Variants in LRP1B observed in about 807,000 individuals in gnomAD.
LRP1B encodes LDL receptor related protein 1B, also known as low-density lipoprotein receptor-related protein 1B.
LRP1B carries 217 observed loss-of-function variants against 556.6 expected under a neutral mutation model. That is an observed-to-expected ratio of 0.39 (90% CI 0.35 to 0.44). The LOEUF is 0.44. Among genes scored for constraint, LRP1B ranks in the 20% least tolerant of loss-of-function variants. The pLI is 1.00. For missense variants in LRP1B, 5,053 were observed against 5,620.8 expected (o/e 0.90, Z 3.23); for synonymous variants, 2,047 against 1,865.8 (o/e 1.10, Z -2.50).
intron 23 of LRP1B, among the ~76,000 whole-genome samples, chr2:140,891,866 C>T (rs1018676492): frequency 1.3e-5 from 2 of 152,108 alleles, no homozygotes; most frequent in Non-Finnish European, 2.9e-5. Context: ...TTAGTAATCA[C>T]TTTCCCAAGT....
intron 32 of LRP1B, among the ~76,000 whole-genome samples, chr2:140,779,076 A>G (rs1311875930): frequency 7.4e-6 from 1 of 135,632 alleles, no homozygotes; most frequent in Non-Finnish European, 1.6e-5. Context: ...AGGGATCTCA[A>G]TAATTTTTAA....
intron 25 of LRP1B, among the ~76,000 whole-genome samples, chr2:140,868,995 C>T (rs1348642947): frequency 1.3e-5 from 2 of 152,036 alleles, no homozygotes; most frequent in Non-Finnish European, 2.9e-5. Flanking sequence ...AGTTCTGGGT[C>T]GAATCCATGA....
At chr2:141,088,772 G>A (rs1388326058) in intron 7 of LRP1B, among the ~76,000 whole-genome samples, 2 of 152,070 alleles carry the variant, frequency 1.3e-5, no homozygotes. Flanking sequence ...CAGCACTAGG[G>A]TGCTTCAAAT....
intron 6 of LRP1B, among the ~76,000 whole-genome samples, chr2:141,208,729 C>A (rs189369816): frequency 1.6e-3 from 249 of 151,430 alleles, no homozygotes; most frequent in African/African-American, 5.8e-3. Flanking sequence ...ATTAGCTGGG[C>A]GTAGTGGCAG....
At chr2:140,820,203 C>T (rs1308956451) in intron 31 of LRP1B, among the ~76,000 whole-genome samples, 1 of 152,144 alleles carries the variant, frequency 6.6e-6, no homozygotes, top group Non-Finnish European at 1.5e-5. Flanking sequence ...TAGTCTTGAA[C>T]TCCTGGCCTA....
chr2:141,625,362 T>TA (rs1208275794), intron 2 of LRP1B, among the ~76,000 whole-genome samples: 2 of 152,136 alleles, frequency 1.3e-5, no homozygotes, highest in African/African-American at 2.4e-5. Flanking sequence ...AATGGATTTT[T>TA]AAAAAAATGT....
chr2:140,298,069 G>C (rs1369315722), intron 83 of LRP1B, 100 bp from the exon 84 acceptor site: 1 of 1,079,984 alleles, frequency 9.3e-7, no homozygotes, highest in African/African-American at 1.6e-5. Context: ...CAGGTTTCTG[G>C]TCAAGGTCTG....
chr2:141,719,076 A>C (rs776847001), intron 2 of LRP1B, among the ~76,000 whole-genome samples: 2 of 152,102 alleles, frequency 1.3e-5, no homozygotes, highest in Non-Finnish European at 2.9e-5. Context: ...GATTTTCTTG[A>C]GTTTTTATGA....
intron 7 of LRP1B, among the ~76,000 whole-genome samples, chr2:141,142,315 C>A (rs1701672524): frequency 6.6e-6 from 1 of 152,184 alleles, no homozygotes; most frequent in South Asian, 2.1e-4. Flanking sequence ...AGTTCAATTT[C>A]TAACTTGTTT....
chr2:140,937,395 A>G (rs921347398), intron 20 of LRP1B, among the ~76,000 whole-genome samples: 2 of 152,164 alleles, frequency 1.3e-5, no homozygotes, highest in African/African-American at 4.8e-5. Context: ...ACTTAGAGTT[A>G]TAAAAAGCAT....
intron 7 of LRP1B, among the ~76,000 whole-genome samples, chr2:141,166,786 C>T (rs1194825993): frequency 6.6e-6 from 1 of 151,856 alleles, no homozygotes; most frequent in Non-Finnish European, 1.5e-5. Flanking sequence ...CTGGTTGCAA[C>T]AGAGTAAAGG....
intron 2 of LRP1B, among the ~76,000 whole-genome samples, chr2:141,762,708 TG>T (rs1694601261): frequency 1.3e-5 from 2 of 152,144 alleles, no homozygotes; most frequent in Non-Finnish European, 1.5e-5. Context: ...GCATATATGC[TG>T]GGGGTTGAGG....
At chr2:140,515,122 A>T (rs938738480) in intron 50 of LRP1B, among the ~76,000 whole-genome samples, 2 of 152,056 alleles carry the variant, frequency 1.3e-5, no homozygotes, top group Non-Finnish European at 2.9e-5. Flanking sequence ...TAGTCTAGTC[A>T]TACTTTTTAA....
At chr2:140,295,114 G>A (rs776573575) in intron 84 of LRP1B, among the ~76,000 whole-genome samples, 1 of 152,022 alleles carries the variant, frequency 6.6e-6, no homozygotes, top group East Asian at 1.9e-4. Context: ...TCCTGACCTC[G>A]TGATCCGCGG....
chr2:141,843,211 A>T (rs1697538097), intron 1 of LRP1B, among the ~76,000 whole-genome samples: 1 of 152,138 alleles, frequency 6.6e-6, no homozygotes, highest in South Asian at 2.1e-4. Flanking sequence ...AATATCATTG[A>T]TAGTAACCTT....
intron 1 of LRP1B, among the ~76,000 whole-genome samples, chr2:142,000,717 T>C (rs1702627216): frequency 6.6e-6 from 1 of 152,202 alleles, no homozygotes; most frequent in Admixed American, 6.6e-5. Flanking sequence ...ACACTCTATA[T>C]GTATTCATTT....
chr2:141,947,641 A>G (rs1489786264), intron 1 of LRP1B, among the ~76,000 whole-genome samples: 2 of 152,176 alleles, frequency 1.3e-5, no homozygotes, highest in African/African-American at 4.8e-5. Context: ...ACAAATGTAC[A>G]TACTTAATTC....
chr2:140,671,676 G>T (rs1409163414), intron 41 of LRP1B, among the ~76,000 whole-genome samples: 1 of 151,850 alleles, frequency 6.6e-6, no homozygotes, highest in Non-Finnish European at 1.5e-5. Flanking sequence ...TAATCTTTCT[G>T]CCTCTATCTT....
intron 3 of LRP1B, among the ~76,000 whole-genome samples, chr2:141,276,907 C>T (rs1168462185): frequency 2.6e-5 from 4 of 152,096 alleles, no homozygotes; most frequent in Non-Finnish European, 5.9e-5. Context: ...CTGCCCGCCT[C>T]GGCCTCCCAG....
Sources: gnomAD v4.1 joint callset for allele counts (sites outside exome capture counted in the v4.1 genomes callset) on GRCh38, gnomAD v4.1.1 for gene constraint, MANE v1.5 for transcripts, NCBI Gene and HGNC (gene_info 2026-07-23, HGNC 2026-07-21) for gene names.